Variants in HEMK2 observed in about 807,000 individuals in gnomAD.
HEMK2 encodes HemK methyltransferase 2, ETF1 glutamine and histone H4 lysine.
At chr21:28,584,853 A>G in the HEMK2 span, among the ~76,000 whole-genome samples, 1 of 152,184 alleles carries the variant, frequency 6.6e-6, no homozygotes, top group Non-Finnish European at 1.5e-5. Context: ...CTGTCTCTCC[A>G]AAACAAGAGA....
the HEMK2 span, among the ~76,000 whole-genome samples, chr21:28,857,791 A>T: frequency 2.0e-5 from 3 of 152,154 alleles, no homozygotes; most frequent in Non-Finnish European, 2.9e-5. Context: ...AGATTATATG[A>T]GCTACTCTCT....
the HEMK2 span, among the ~76,000 whole-genome samples, chr21:28,597,551 C>T: frequency 6.6e-6 from 1 of 152,210 alleles, no homozygotes; most frequent in South Asian, 2.1e-4. Flanking sequence ...AGTTAGGTTT[C>T]TGTCATGATG....
chr21:28,649,447 C>T, the HEMK2 span, among the ~76,000 whole-genome samples: 1 of 152,224 alleles, frequency 6.6e-6, no homozygotes, highest in African/African-American at 2.4e-5. Context: ...TGAGCATCTA[C>T]ATTGTGACAG....
chr21:28,762,706 C>A, the HEMK2 span, among the ~76,000 whole-genome samples: 1 of 152,084 alleles, frequency 6.6e-6, no homozygotes, highest in African/African-American at 2.4e-5. Flanking sequence ...GTTTTAAAAG[C>A]AAATTCCCTT....
At chr21:28,648,374 C>T in the HEMK2 span, among the ~76,000 whole-genome samples, 1 of 152,060 alleles carries the variant, frequency 6.6e-6, no homozygotes, top group Non-Finnish European at 1.5e-5. Flanking sequence ...AATAGAAATA[C>T]CTATTTTATC....
the HEMK2 span, among the ~76,000 whole-genome samples, chr21:28,845,694 T>G: frequency 1.4e-5 from 2 of 145,322 alleles, no homozygotes; most frequent in African/African-American, 2.8e-5. Context: ...GAAATTTTTT[T>G]CTCACTTCTA....
At chr21:28,852,520 C>T in the HEMK2 span, among the ~76,000 whole-genome samples, 1 of 152,210 alleles carries the variant, frequency 6.6e-6, no homozygotes. Flanking sequence ...AATGTCTGAT[C>T]ATTTCCATTT....
chr21:28,736,018 G>C, the HEMK2 span, among the ~76,000 whole-genome samples: 4 of 152,302 alleles, frequency 2.6e-5, no homozygotes, highest in Non-Finnish European at 5.9e-5. Context: ...AATTTAAATG[G>C]TGGGAAAACA....
the HEMK2 span, among the ~76,000 whole-genome samples, chr21:28,587,885 CATACTTTGGTAT>C: frequency 6.6e-6 from 1 of 152,170 alleles, no homozygotes; most frequent in African/African-American, 2.4e-5. Flanking sequence ...ATTAAAATAG[CATACTTTGGTAT>C]TCTCCACATG....
chr21:28,593,236 A>G, the HEMK2 span, among the ~76,000 whole-genome samples: 58,640 of 151,980 alleles, frequency 0.39, 11,727 homozygotes, highest in Middle Eastern at 0.48. Context: ...CTTTCAGGCT[A>G]TTTGTATAAG....
At chr21:28,798,861 A>G in the HEMK2 span, among the ~76,000 whole-genome samples, 42 of 152,226 alleles carry the variant, frequency 2.8e-4, no homozygotes, top group Non-Finnish European at 5.9e-5. Context: ...AGATGTGTGC[A>G]GCCTTAGGGC....
At chr21:28,648,914 T>C in the HEMK2 span, among the ~76,000 whole-genome samples, 3 of 151,458 alleles carry the variant, frequency 2.0e-5, no homozygotes, top group Non-Finnish European at 4.4e-5. Flanking sequence ...TAGGTATATC[T>C]CCTAATGCTA....
the HEMK2 span, among the ~76,000 whole-genome samples, chr21:28,703,348 T>A: frequency 6.6e-6 from 1 of 151,754 alleles, no homozygotes; most frequent in Non-Finnish European, 1.5e-5. Flanking sequence ...GGAAGGATGA[T>A]TCCCTGTAGG....
chr21:28,867,954 T>C, the HEMK2 span, among the ~76,000 whole-genome samples: 24 of 152,236 alleles, frequency 1.6e-4, no homozygotes, highest in African/African-American at 5.3e-4. Context: ...TCAATTTTAG[T>C]GGACTTTTGT....
the HEMK2 span, among the ~76,000 whole-genome samples, chr21:28,788,245 T>TACGTATATAC: frequency 6.7e-6 from 1 of 148,768 alleles, no homozygotes; most frequent in Admixed American, 6.8e-5. Flanking sequence ...TACGTATATA[T>TACGTATATAC]GTATATATGT....
chr21:28,767,242 G>A, the HEMK2 span, among the ~76,000 whole-genome samples: 12,788 of 151,890 alleles, frequency 0.084, 1,234 homozygotes, highest in African/African-American at 0.23. Context: ...GGAACTGTAC[G>A]TAAGTCCAAT....
chr21:28,750,665 C>T, the HEMK2 span, among the ~76,000 whole-genome samples: 14 of 147,082 alleles, frequency 9.5e-5, no homozygotes, highest in African/African-American at 3.5e-4. Context: ...CGCACCGTTG[C>T]ACTCCCTCCT....
the HEMK2 span, among the ~76,000 whole-genome samples, chr21:28,613,593 C>T: frequency 1.5e-5 from 2 of 137,404 alleles, no homozygotes; most frequent in African/African-American, 2.8e-5. Context: ...ATTATGGTAG[C>T]CTTCTCTCCT....
the HEMK2 span, among the ~76,000 whole-genome samples, chr21:28,809,868 C>T: frequency 6.6e-6 from 1 of 152,120 alleles, no homozygotes; most frequent in Non-Finnish European, 1.5e-5. Context: ...TTAAAATACA[C>T]AAGGAAATGC....
Sources: allele counts gnomAD v4.1 joint callset (sites outside exome capture counted in the v4.1 genomes callset), GRCh38; gene constraint gnomAD v4.1.1; transcripts MANE v1.5; gene names NCBI Gene and HGNC (gene_info 2026-07-23, HGNC 2026-07-21).